PRORP: variants seen among roughly 807,000 people sequenced by gnomAD.
The protein encoded by PRORP is mitochondrial ribonuclease P catalytic subunit.
Under a neutral mutation model 59.4 loss-of-function variants are expected in PRORP, and 51 were observed. That is an observed-to-expected ratio of 0.86 (90% CI 0.69 to 1.08). PRORP has a LOEUF of 1.08. Ranked by LOEUF, PRORP falls within the 50% of genes least tolerant of loss-of-function variation. The pLI is 0.00. For missense variants in PRORP, 646 were observed against 690.3 expected, an observed-to-expected ratio of 0.94 and a Z score of 0.72; for synonymous variants, 231 against 245.6, an observed-to-expected ratio of 0.94 and a Z score of 0.55.
chr14:35,146,576 G>C (rs2047616350), intron 4 of PRORP, among the ~76,000 whole-genome samples: 1 of 152,064 alleles, frequency 6.6e-6, no homozygotes, highest in African/African-American at 2.4e-5. Flanking sequence ...TTTTTCCCCA[G>C]ATTTAAATAA....
chr14:35,145,400 AT>A lies in PRORP; in HGVS notation c.1167+17799del, dbSNP rs201573893. 1.0e-4 allele frequency among the ~76,000 whole-genome samples: 14 copies of A among 139,968 alleles called. 1 individual carries two copies. Among genetic ancestry groups the A allele is most frequent in the Non-Finnish European group, 1.3e-4 (8 of 63,566 alleles). The allele number at this position is 139,968 out of a possible 152,430, so 91.8% of individuals were successfully genotyped here. On this transcript the variant is annotated intron_variant, in intron 4 of 7. Transcript: ENST00000534898. ...CATCAACACCTGTGAAAAGGGGAAA[AT>A]TTTTTTTTTGGTCAAAATAGCTATA...
intron 5 of PRORP, among the ~76,000 whole-genome samples, chr14:35,249,258 G>T (rs1374981170): frequency 6.6e-6 from 1 of 152,012 alleles, no homozygotes; most frequent in Non-Finnish European, 1.5e-5. Context: ...AAATTACCAT[G>T]AGGTTATCTT....
At chr14:35,228,488 C>T (rs1313800762) in intron 5 of PRORP, among the ~76,000 whole-genome samples, 5 of 152,140 alleles carry the variant, frequency 3.3e-5, no homozygotes, top group Non-Finnish European at 2.9e-5. Flanking sequence ...TCCCAGTGTC[C>T]GTTGTTGCCA....
At chr14:35,193,814 T>G (rs1221967848) in intron 5 of PRORP, among the ~76,000 whole-genome samples, 1 of 152,170 alleles carries the variant, frequency 6.6e-6, no homozygotes, top group South Asian at 2.1e-4. Flanking sequence ...TTTTAAATAC[T>G]CTTTTCCATA....
intron 5 of PRORP, among the ~76,000 whole-genome samples, chr14:35,188,223 C>T (rs867708226): frequency 2.1e-5 from 3 of 141,504 alleles, no homozygotes; most frequent in East Asian, 4.2e-4. Context: ...CAGAGTCTCG[C>T]TCTGTTGCCC....
At chr14:35,190,834 T>G (rs996037098) in intron 5 of PRORP, among the ~76,000 whole-genome samples, 4 of 152,164 alleles carry the variant, frequency 2.6e-5, no homozygotes, top group African/African-American at 9.7e-5. Context: ...TTATGGACCC[T>G]TACATACTAC....
chr14:35,126,651 T>C, intron 2 of PRORP, 84 bp from the exon 3 acceptor site: 2 of 1,057,294 alleles, frequency 1.9e-6, no homozygotes, highest in Non-Finnish European at 2.8e-6. Flanking sequence ...TTCTTGCTTA[T>C]AAGAGTTTCC....
chr14:35,153,876 T>A (rs1471330085), intron 4 of PRORP, among the ~76,000 whole-genome samples: 2 of 152,252 alleles, frequency 1.3e-5, no homozygotes, highest in Admixed American at 6.5e-5. Context: ...TAATTCTGTT[T>A]CTTAACTAAT....
In PRORP at chr14:35,123,111, T is replaced by C. The variant is rs1354628848; in HGVS notation, c.-135T>C. 2 of 893,856 alleles carry C rather than the reference T, an allele frequency of 2.2e-6. No homozygotes were observed. The highest frequency in any genetic ancestry group is 3.3e-5 in the African/African-American group (2 of 59,946). The allele number at this position is 893,856 out of a possible 1,614,324, so 55.4% of individuals were successfully genotyped here. On this transcript the variant is annotated 5_prime_UTR_variant, in exon 2 of 8. Transcript: ENST00000534898. ...CAAAAGCAGAACCTTGATTTGTCTG[T>C]AAGGAAGAAACACAAACCTTTTAAA... is the stretch of plus-strand genomic sequence containing the variant.
At chr14:35,209,911 C>T (rs1053161371) in intron 5 of PRORP, among the ~76,000 whole-genome samples, 6 of 152,166 alleles carry the variant, frequency 3.9e-5, no homozygotes, top group African/African-American at 1.4e-4. Context: ...TATTACTTGT[C>T]TTCTATCCTT....
chr14:35,179,020 G>A (rs944199168), intron 4 of PRORP, among the ~76,000 whole-genome samples: 5 of 152,174 alleles, frequency 3.3e-5, no homozygotes, highest in Non-Finnish European at 5.9e-5. Context: ...GGCTGGATAG[G>A]AAATTCTGGG....
rs1472592576 is a variant in PRORP, at chr14:35,274,572, T to G, written c.*1006T>G. ...CTGAGGTAGGAGGATTGCTTGAGCC[T>G]CAGAGGTCAAGGCTGCAATGAGCCA... On this transcript the variant is annotated 3_prime_UTR_variant, in exon 8 of 8. Coordinates refer to ENST00000534898, the MANE Select transcript of PRORP (RefSeq NM_014672.4). 1.3e-5 allele frequency: 2 copies of G among 152,140 alleles called. No individual in the cohort carries two copies. Among genetic ancestry groups the G allele is most frequent in the African/African-American group, 2.4e-5 (1 of 41,412 alleles). The allele number at this position is 152,140 out of a possible 1,614,324, so 9.4% of individuals were successfully genotyped here. A position where few individuals can be genotyped will look rare whatever the true frequency, so the allele number is the denominator to read the frequency against.
chr14:35,136,982 A>G (rs1345131169), intron 4 of PRORP, among the ~76,000 whole-genome samples: 1 of 145,670 alleles, frequency 6.9e-6, no homozygotes, highest in Non-Finnish European at 1.5e-5. Flanking sequence ...ACAGAGTGCA[A>G]TACACTAGAG....
At chr14:35,169,558 A>G (rs181317607) in intron 4 of PRORP, among the ~76,000 whole-genome samples, 3 of 152,292 alleles carry the variant, frequency 2.0e-5, no homozygotes, top group Non-Finnish European at 1.5e-5. Flanking sequence ...GGCAGCAGGC[A>G]AGAGAGTATG....
intron 4 of PRORP, among the ~76,000 whole-genome samples, chr14:35,174,944 C>A (rs2048410353): frequency 7.1e-6 from 1 of 140,984 alleles, no homozygotes; most frequent in African/African-American, 2.6e-5. Context: ...TTCCTATGTC[C>A]AAGTGTTCTC....
intron 5 of PRORP, among the ~76,000 whole-genome samples, chr14:35,236,096 C>CAAAAAAA (rs59458917): frequency 4.8e-5 from 3 of 62,402 alleles, no homozygotes; most frequent in Non-Finnish European, 9.7e-5. Flanking sequence ...ACCCCATCTC[C>CAAAAAAA]AAAAAAAAAA....
intron 5 of PRORP, among the ~76,000 whole-genome samples, chr14:35,202,697 A>G (rs1031676663): frequency 2.0e-5 from 3 of 152,072 alleles, no homozygotes; most frequent in Non-Finnish European, 4.4e-5. Context: ...TGGCAGGATT[A>G]TAGCTCACTG....
intron 4 of PRORP, among the ~76,000 whole-genome samples, chr14:35,137,018 A>G (rs2047391240): frequency 6.8e-6 from 1 of 146,064 alleles, no homozygotes; most frequent in Admixed American, 7.1e-5. Flanking sequence ...GACTGAAGGG[A>G]TACATTGGAT....
rs148724223 is a variant in PRORP at position 35,197,302 on chromosome 14, A to G, written c.1275+16525A>G. On this transcript the variant is annotated intron_variant, in intron 5 of 7. Coordinates refer to ENST00000534898, the MANE Select transcript of PRORP (RefSeq NM_014672.4). The stretch of plus-strand genomic sequence containing the variant: ...ATTGAGAGTGTGGTAGGAAGAGGCC[A>G]CTTATGAAAATATAATATCCATTTT... 4.4e-3 allele frequency among the ~76,000 whole-genome samples: 672 copies of G among 152,308 alleles called. 3 individuals carry two copies. The highest frequency in any genetic ancestry group is 0.015 in the African/African-American group (606 of 41,572).
Sources: allele counts gnomAD v4.1 joint callset (sites outside exome capture counted in the v4.1 genomes callset), GRCh38; gene constraint gnomAD v4.1.1; transcripts MANE v1.5; gene names NCBI Gene and HGNC (gene_info 2026-07-23, HGNC 2026-07-21).